The following ULK4 variants were observed in gnomAD, a reference collection of about 807,000 sequenced individuals.
The protein encoded by ULK4 is inactive serine/threonine-protein kinase ULK4.
In ULK4, 133 loss-of-function variants were observed where a neutral mutation model predicts 160.6. The ratio of observed to expected loss-of-function variants is 0.83; its 90% CI spans 0.72 to 0.96. The LOEUF (loss-of-function observed/expected upper bound fraction) is 0.96. ULK4 is among the 40% of genes least tolerant of loss of function. The probability of loss-of-function intolerance (pLI) is 0.00; values close to 1 mark genes in which losing one functional copy is unlikely to be tolerated. For synonymous variants in ULK4, 534 were observed against 539.8 expected (o/e 0.99, Z 0.15); for missense variants, 1,580 against 1,499.5 (o/e 1.05, Z -0.89).
intron 35 of ULK4, among the ~76,000 whole-genome samples, chr3:41,292,794 A>G (rs992769603): frequency 6.6e-6 from 1 of 151,884 alleles, no homozygotes; most frequent in African/African-American, 2.4e-5. Flanking sequence ...AAATACAAAA[A>G]TTAGCTGGGT....
chr3:41,720,229 C>T (rs1204491487), intron 22 of ULK4, among the ~76,000 whole-genome samples: 1 of 152,150 alleles, frequency 6.6e-6, no homozygotes, highest in Admixed American at 6.5e-5. Context: ...TCCACTTCTG[C>T]GCACAGTTCT....
At chr3:41,412,143 C>G (rs1272881066) in intron 34 of ULK4, among the ~76,000 whole-genome samples, 2 of 152,122 alleles carry the variant, frequency 1.3e-5, no homozygotes, top group African/African-American at 4.8e-5. Flanking sequence ...TTGCAATTTT[C>G]ACGTAAGTAC....
At chr3:41,954,487 G>A in intron 2 of ULK4, 135 bp downstream of exon 2, 4 of 945,182 alleles carry the variant, frequency 4.2e-6, no homozygotes, top group Non-Finnish European at 3.2e-6. Flanking sequence ...GCACTGAACA[G>A]ATGAAGGTCA....
chr3:41,300,005 T>C (rs1351119224), intron 35 of ULK4, among the ~76,000 whole-genome samples: 1 of 152,170 alleles, frequency 6.6e-6, no homozygotes, highest in Non-Finnish European at 1.5e-5. Context: ...ATATGGCTCT[T>C]GAAATAGGCC....
At chr3:41,804,694 T>C (rs2040584324) in intron 19 of ULK4, among the ~76,000 whole-genome samples, 1 of 152,194 alleles carries the variant, frequency 6.6e-6, no homozygotes, top group Non-Finnish European at 1.5e-5. Flanking sequence ...TTCAGCTTTC[T>C]ACATATGGCT....
At chr3:41,504,608 A>T (rs1421705245) in intron 32 of ULK4, among the ~76,000 whole-genome samples, 1 of 152,148 alleles carries the variant, frequency 6.6e-6, no homozygotes, top group Non-Finnish European at 1.5e-5. Context: ...TCTATAACCT[A>T]AATGCAACTA....
chr3:41,735,920 C>G (rs2038024663), intron 22 of ULK4, among the ~76,000 whole-genome samples: 1 of 144,782 alleles, frequency 6.9e-6, no homozygotes, highest in Admixed American at 7.2e-5. Context: ...CAATTCCCAC[C>G]TATGAGTGAG....
At chr3:41,763,473 G>A (rs927577106) in intron 21 of ULK4, among the ~76,000 whole-genome samples, 12 of 151,578 alleles carry the variant, frequency 7.9e-5, no homozygotes, top group African/African-American at 2.7e-4. Context: ...AATGAAAAGA[G>A]GGCAATTACC....
chr3:41,560,159 G>C (rs905783714), intron 32 of ULK4, among the ~76,000 whole-genome samples: 9 of 152,164 alleles, frequency 5.9e-5, no homozygotes, highest in Non-Finnish European at 1.2e-4. Context: ...GTTTGTCAAA[G>C]ATCAGATGGT....
intron 31 of ULK4, among the ~76,000 whole-genome samples, chr3:41,607,481 G>T (rs1299853112): frequency 1.3e-5 from 2 of 152,106 alleles, no homozygotes; most frequent in Non-Finnish European, 2.9e-5. Flanking sequence ...ATATTCAATT[G>T]TGCTAAGGGT....
intron 5 of ULK4, among the ~76,000 whole-genome samples, chr3:41,925,193 C>T (rs1435313008): frequency 6.6e-6 from 1 of 152,180 alleles, no homozygotes; most frequent in Non-Finnish European, 1.5e-5. Context: ...GCATTACCAA[C>T]TGAGGTACCA....
chr3:41,800,941 C>T (rs185898025), intron 19 of ULK4, among the ~76,000 whole-genome samples: 6 of 152,216 alleles, frequency 3.9e-5, no homozygotes, highest in Admixed American at 2.6e-4. Flanking sequence ...TAAAAAGTTC[C>T]GCATCCAATG....
intron 31 of ULK4, among the ~76,000 whole-genome samples, chr3:41,610,111 G>A (rs1341436622): frequency 6.6e-6 from 1 of 151,718 alleles, no homozygotes; most frequent in African/African-American, 2.4e-5. Flanking sequence ...CTGCCCCCTG[G>A]GTTCAAGCAA....
chr3:41,769,285 T>C (rs1575674376), intron 21 of ULK4, among the ~76,000 whole-genome samples: 1 of 152,224 alleles, frequency 6.6e-6, no homozygotes, highest in Non-Finnish European at 1.5e-5. Flanking sequence ...TAGGATTCTA[T>C]ATTTAACCTT....
intron 19 of ULK4, among the ~76,000 whole-genome samples, chr3:41,804,743 C>T (rs191519975): frequency 1.4e-3 from 209 of 152,282 alleles, no homozygotes; most frequent in African/African-American, 4.8e-3. Flanking sequence ...ATAGGGAATG[C>T]TTTCCCCATT....
intron 16 of ULK4, among the ~76,000 whole-genome samples, chr3:41,890,113 G>A (rs1204153357): frequency 6.6e-6 from 1 of 152,212 alleles, no homozygotes; most frequent in Non-Finnish European, 1.5e-5. Flanking sequence ...TGGGTACTGG[G>A]TTTCGCTGGG....
chr3:41,294,793 T>TA (rs1298374969), intron 35 of ULK4, among the ~76,000 whole-genome samples: 1 of 152,088 alleles, frequency 6.6e-6, no homozygotes, highest in South Asian at 2.1e-4. Context: ...GAATGAAATT[T>TA]AAAAAAACCT....
At chr3:41,725,759 T>C (rs546178580) in intron 22 of ULK4, among the ~76,000 whole-genome samples, 2 of 152,324 alleles carry the variant, frequency 1.3e-5, no homozygotes, top group East Asian at 3.9e-4. Flanking sequence ...CTATTGAGTA[T>C]TAGACTCTAT....
intron 35 of ULK4, among the ~76,000 whole-genome samples, chr3:41,317,297 G>A (rs1032210425): frequency 1.8e-4 from 27 of 151,882 alleles, no homozygotes; most frequent in Admixed American, 4.6e-4. Flanking sequence ...GGATCGTCTC[G>A]ATCTCCTGAC....
Sources: allele counts gnomAD v4.1 joint callset (sites outside exome capture counted in the v4.1 genomes callset), GRCh38; gene constraint gnomAD v4.1.1; transcripts MANE v1.5; gene names NCBI Gene and HGNC (gene_info 2026-07-23, HGNC 2026-07-21).